Variants in FAM120A observed in about 807,000 individuals in gnomAD.
The protein encoded by FAM120A is family with sequence similarity 120 member A, also known as constitutive coactivator of PPAR-gamma-like protein 1.
In FAM120A, 15 loss-of-function variants were observed where a neutral mutation model predicts 109.7. That is an observed-to-expected ratio of 0.14 (90% CI 0.09 to 0.21). The LOEUF (loss-of-function observed/expected upper bound fraction) is 0.21. Among genes scored for constraint, FAM120A ranks in the 10% least tolerant of loss-of-function variants. FAM120A has a pLI of 1.00. For synonymous variants in FAM120A, 493 were observed against 572.8 expected (o/e 0.86, Z 1.99); for missense variants, 899 against 1,439.3 (o/e 0.62, Z 6.07).
At chr9:93,508,886 C>T (rs573319708) in intron 5 of FAM120A, among the ~76,000 whole-genome samples, 1 of 152,336 alleles carries the variant, frequency 6.6e-6, no homozygotes, top group African/African-American at 2.4e-5. Context: ...ATAACATACC[C>T]CCCAGAATCT....
At chr9:93,527,614 ATTTTTTTTTTTTT>A (rs67894788) in intron 8 of FAM120A, among the ~76,000 whole-genome samples, 2 of 80,636 alleles carry the variant, frequency 2.5e-5, no homozygotes, top group African/African-American at 8.5e-5. Context: ...TTTGTATTTA[ATTTTTTTTTTTTT>A]TTTTTTTTTT....
intron 10 of FAM120A, among the ~76,000 whole-genome samples, chr9:93,535,092 G>A (rs1333480629): frequency 1.3e-5 from 2 of 152,216 alleles, no homozygotes; most frequent in Admixed American, 1.3e-4. Context: ...TACCCTTAGA[G>A]CAGTGTGCAG....
chr9:93,512,089 G>T (rs1407728857), intron 5 of FAM120A, among the ~76,000 whole-genome samples: 1 of 152,204 alleles, frequency 6.6e-6, no homozygotes, highest in Non-Finnish European at 1.5e-5. Flanking sequence ...ACTGAACCAG[G>T]CCAGTTTTTT....
At chr9:93,486,869 T>G (rs550560637) in intron 3 of FAM120A, among the ~76,000 whole-genome samples, 59 of 152,274 alleles carry the variant, frequency 3.9e-4, no homozygotes, top group Middle Eastern at 6.8e-3. Flanking sequence ...CAAACTGTTT[T>G]CCACAGCAGC....
In FAM120A at chr9:93,471,188, C is replaced by T. The variant is rs1451922482; in HGVS notation, c.522C>T (p.Cys174=). The change falls in exon 2 of 18, where the codon TGC becomes TGT. Residue 174 remains cysteine, a synonymous_variant. Coordinates refer to ENST00000277165, the MANE Select transcript of FAM120A (RefSeq NM_014612.5). ...EDHHQEVIGF[C]RENGFHGLVA... ...ACCATCAGGAAGTGATTGGTTTCTG[C>T]AGAGAGAATGGTTTCCATGGCTTGG... The T allele has an allele frequency of 6.2e-7, 1 of 1,614,144 alleles. No homozygotes were observed. Among genetic ancestry groups the T allele is most frequent in the East Asian group, 2.2e-5 (1 of 44,888 alleles).
chr9:93,468,957 C>G (rs559043135), intron 1 of FAM120A, among the ~76,000 whole-genome samples: 1 of 152,336 alleles, frequency 6.6e-6, no homozygotes, highest in Non-Finnish European at 1.5e-5. Context: ...TTCATCATCC[C>G]CCGCTTTTCC....
intron 7 of FAM120A, among the ~76,000 whole-genome samples, chr9:93,519,687 A>C (rs557174428): frequency 1.3e-5 from 2 of 152,300 alleles, no homozygotes; most frequent in African/African-American, 4.8e-5. Context: ...ACGTTCAGTG[A>C]TACCACAAGG....
At chr9:93,544,235 A>G (rs1861805209) in intron 11 of FAM120A, among the ~76,000 whole-genome samples, 1 of 152,178 alleles carries the variant, frequency 6.6e-6, no homozygotes, top group African/African-American at 2.4e-5. Flanking sequence ...CTCTTGTTTT[A>G]GGAGAGCTTC....
chr9:93,460,899 C>A (rs1857766653), intron 1 of FAM120A, among the ~76,000 whole-genome samples: 1 of 152,128 alleles, frequency 6.6e-6, no homozygotes, highest in South Asian at 2.1e-4. Context: ...TTTGAGTAAA[C>A]CTTTTATGCT....
chr9:93,476,047 T>G (rs1031130667), intron 2 of FAM120A, among the ~76,000 whole-genome samples: 1 of 152,236 alleles, frequency 6.6e-6, no homozygotes, highest in Non-Finnish European at 1.5e-5. Flanking sequence ...GGTTGAATGC[T>G]GTTGGGACTG....
At position 93,453,000 on chromosome 9, in the gene FAM120A, T is replaced by G. The variant is rs1857347726; in HGVS notation, c.474+611T>G. Reference sequence around the variant, plus strand: ...CGTGTTCCTCTTAGTACAGGGTGTTTAGAGAATCTTTCTATGGCTTTTTGT... The same window carrying G: ...CGTGTTCCTCTTAGTACAGGGTGTTGAGAGAATCTTTCTATGGCTTTTTGT... On this transcript the variant is annotated intron_variant, in intron 1 of 17. Transcript: ENST00000277165. This position sits in a 1 kb window ranked among gnomAD's most constrained non-coding sequence, Gnocchi z 7.0. The G allele has an allele frequency of 2.2e-5, 27 of 1,254,474 alleles. No individual in the cohort carries two copies. The South Asian group carries it at 4.6e-4, about 21-fold the overall frequency. The allele number at this position is 1,254,474 out of a possible 1,614,324, so 77.7% of individuals were successfully genotyped here.
chr9:93,452,611 C>T lies in FAM120A; in HGVS notation c.474+222C>T, dbSNP rs753621481. On this transcript the variant is annotated intron_variant, in intron 1 of 17. Transcript: ENST00000277165. The surrounding 1 kb of genome is among the most constrained non-coding windows in gnomAD (Gnocchi z 7.0). ...GTCTCCAGCTGTCCCTGTTCGGGGT[C>T]CGCGGCCGCGTGGGGACACTTGAGG... The T allele has an allele frequency of 5.6e-6, 9 of 1,599,104 alleles. No individual in the cohort carries two copies. Among genetic ancestry groups the T allele is most frequent in the Non-Finnish European group, 7.6e-6 (9 of 1,179,768 alleles).
In FAM120A at chr9:93,557,902, A is replaced by G. The variant is rs372774194; in HGVS notation, c.2560A>G (p.Thr854Ala). 52 of 1,612,646 alleles carry G rather than the reference A, an allele frequency of 3.2e-5. 1 individual carries two copies. In the African/African-American group the frequency reaches 6.4e-4, roughly 20 times the overall value. The change falls in exon 14 of 18, where the codon ACG becomes GCG. Residue 854 changes from threonine (T) to alanine (A), a missense_variant. Around this residue, in one of 11 missense-constraint regions of FAM120A, gnomAD observed 129 missense variants for 153.4 expected, o/e 0.84. Transcript: ENST00000277165. ...EGLSFSRQSH[T>A]LPFPPPPALP... ...GCTCAGCTTCTCCAGGCAGAGCCAC[A>G]CGCTCCCTTTCCCGCCGCCACCTGC...
intron 11 of FAM120A, among the ~76,000 whole-genome samples, chr9:93,549,047 A>T (rs1862001455): frequency 6.6e-6 from 1 of 151,732 alleles, no homozygotes; most frequent in African/African-American, 2.4e-5. Flanking sequence ...CATCTCAAAA[A>T]AAACAAAACA....
chr9:93,477,917 T>G (rs547262298), intron 3 of FAM120A, among the ~76,000 whole-genome samples: 23 of 152,332 alleles, frequency 1.5e-4, no homozygotes, highest in Admixed American at 1.2e-3. Flanking sequence ...GTGGAAAGAA[T>G]AGAGAAATGT....
In FAM120A at chr9:93,482,440, C is replaced by G. The variant is rs147837003; in HGVS notation, c.804+6102C>G. Among the ~76,000 whole-genome samples the G allele has an allele frequency of 7.6e-4, 116 of 152,296 alleles. 1 individual carries two copies. In the East Asian group the frequency reaches 0.021, roughly 28 times the overall value. ...CCCTGAGCTCACGCAATCCGCCTGCCTCAGCCTGCCAAAGTGCTAAGATTA... is the reference window on the plus strand; with the variant it reads ...CCCTGAGCTCACGCAATCCGCCTGCGTCAGCCTGCCAAAGTGCTAAGATTA... On this transcript the variant is annotated intron_variant, in intron 3 of 17. Transcript: ENST00000277165.
intron 15 of FAM120A, 108 bp downstream of exon 15, chr9:93,558,826 G>A: frequency 1.5e-6 from 2 of 1,317,876 alleles, no homozygotes; most frequent in Non-Finnish European, 2.1e-6. Flanking sequence ...TCCTCCAGCA[G>A]AACGGCCTTT....
intron 1 of FAM120A, among the ~76,000 whole-genome samples, chr9:93,457,312 G>C (rs1857592423): frequency 6.6e-6 from 1 of 151,916 alleles, no homozygotes; most frequent in African/African-American, 2.4e-5. Context: ...TTAAGGAATG[G>C]CCATATATTT....
At chr9:93,484,867 G>A (rs1014358276) in intron 3 of FAM120A, among the ~76,000 whole-genome samples, 6 of 152,172 alleles carry the variant, frequency 3.9e-5, no homozygotes, top group African/African-American at 1.2e-4. Context: ...GAGCCACTGC[G>A]CCCGGCCTGC....
Sources: allele counts gnomAD v4.1 joint callset (sites outside exome capture counted in the v4.1 genomes callset), GRCh38; gene constraint gnomAD v4.1.1; regional missense constraint gnomAD v4.1.1; non-coding constraint Gnocchi (gnomAD v3.1); transcripts MANE v1.5; gene names NCBI Gene and HGNC (gene_info 2026-07-23, HGNC 2026-07-21).